Variants in DHX36 observed in about 807,000 individuals in gnomAD.
The protein encoded by DHX36 is ATP-dependent DNA/RNA helicase DHX36.
In DHX36, 50 loss-of-function variants were observed where a neutral mutation model predicts 139.0. The ratio of observed to expected loss-of-function variants is 0.36; its 90% CI spans 0.29 to 0.46. The LOEUF is 0.46. DHX36 is among the 20% of genes least tolerant of loss of function. The probability of loss-of-function intolerance (pLI) is 1.00; values close to 1 mark genes in which losing one functional copy is unlikely to be tolerated. For missense variants in DHX36, 1,024 were observed against 1,211.3 expected, an observed-to-expected ratio of 0.85 and a Z score of 2.29; for synonymous variants, 425 against 401.9, an observed-to-expected ratio of 1.06 and a Z score of -0.69.
intron 3 of DHX36, among the ~76,000 whole-genome samples, chr3:154,314,015 C>T (rs1712866987): frequency 6.6e-6 from 1 of 152,136 alleles, no homozygotes; most frequent in South Asian, 2.1e-4. Flanking sequence ...AAATGTTTTA[C>T]ACATTTTTCT....
chr3:154,289,829 T>TA lies in DHX36; in HGVS notation c.1815-4dup, dbSNP rs149380968. On this transcript the variant is annotated splice_polypyrimidine_tract_variant and splice_region_variant and intron_variant, in intron 15 of 24. Transcript: ENST00000496811. The stretch of plus-strand genomic sequence containing the variant: ...GATAGCAATGACCAGGTTGAACTCT[T>TA]AAAAAAAAAACAAAACAAAATGAAA... 32,245 of 1,298,758 alleles carry TA rather than the reference T, an allele frequency of 0.025. No individual in the cohort carries two copies. Among genetic ancestry groups the TA allele is most frequent in the South Asian group, 0.041 (2,729 of 66,130 alleles). The allele number at this position is 1,298,758 out of a possible 1,614,324, so 80.5% of individuals were successfully genotyped here.
intron 24 of DHX36, 186 bp downstream of exon 24, chr3:154,276,561 T>C: frequency 7.6e-6 from 6 of 785,534 alleles, no homozygotes; most frequent in Non-Finnish European, 1.2e-5. Context: ...CACTGAGCCA[T>C]TTAGAATGGC....
At chr3:154,300,217 G>A (rs1576870183) in intron 11 of DHX36, among the ~76,000 whole-genome samples, 1 of 152,058 alleles carries the variant, frequency 6.6e-6, no homozygotes, top group South Asian at 2.1e-4. Context: ...ACAGGCCTGT[G>A]TCACCACGCC....
chr3:154,281,636 T>C (rs921548042), intron 20 of DHX36, among the ~76,000 whole-genome samples: 2 of 152,102 alleles, frequency 1.3e-5, no homozygotes, highest in African/African-American at 4.8e-5. Context: ...ATAACAGAAA[T>C]ATTTCCTAAG....
chr3:154,305,102 C>G lies in DHX36; in HGVS notation c.960G>C (p.Gln320His). 3.7e-6 allele frequency: 6 copies of G among 1,613,572 alleles called. No homozygotes were observed. Among genetic ancestry groups the G allele is most frequent in the Non-Finnish European group, 5.1e-6 (6 of 1,179,840 alleles). Residue 320 changes from glutamine to histidine, a missense_variant, in exon 7 of 25, where the codon CAG becomes CAC. Around this residue, in one of 4 missense-constraint regions of DHX36, gnomAD observed 146 missense variants for 215.0 expected, o/e 0.68. Transcript: ENST00000496811. ...AATTGAAACATACTCACGGGTCTGACTGGAGCCACTGAAGGATGATTCCTG... is the reference window on the plus strand; with the variant it reads ...AATTGAAACATACTCACGGGTCTGAGTGGAGCCACTGAAGGATGATTCCTG... ...CTTGIILQWL[Q>H]SDPYLSSVSH...
At chr3:154,290,362 G>A (rs539619195) in intron 15 of DHX36, among the ~76,000 whole-genome samples, 83 of 152,042 alleles carry the variant, frequency 5.5e-4, no homozygotes, top group Non-Finnish European at 9.9e-4. Flanking sequence ...TAGGCCGGGC[G>A]CGATGGCTCA....
intron 1 of DHX36, chr3:154,319,377 CAT>C (rs1445428768): frequency 6.6e-6 from 1 of 152,132 alleles, no homozygotes; most frequent in Admixed American, 6.5e-5. Context: ...ACTGTCTCCC[CAT>C]TCTCTGTAAC....
At chr3:154,321,570 T>C (rs1050494697) in intron 1 of DHX36, among the ~76,000 whole-genome samples, 8 of 152,332 alleles carry the variant, frequency 5.3e-5, no homozygotes, top group Non-Finnish European at 1.2e-4. Flanking sequence ...ATCTATTTTA[T>C]TAATTAATAC....
chr3:154,317,698 G>C (rs1713037046), intron 1 of DHX36, among the ~76,000 whole-genome samples: 1 of 152,032 alleles, frequency 6.6e-6, no homozygotes, highest in Non-Finnish European at 1.5e-5. Flanking sequence ...TGATCTTCAA[G>C]GTATTTTTGG....
In DHX36 at chr3:154,280,851, G is replaced by C; in HGVS notation, c.2388C>G (p.Asn796Lys). The part of the protein sequence containing the change: ...LSSNTLQMLH[N>K]MKGQFAEHLL... Reference sequence around the variant, plus strand: ...GATGCTCAGCAAACTGTCCTTTCATGTTATGCAGCATCTAGGGAGCAATGG... The same window carrying C: ...GATGCTCAGCAAACTGTCCTTTCATCTTATGCAGCATCTAGGGAGCAATGG... The change falls in exon 21 of 25, where the codon AAC becomes AAG. Residue 796 changes from asparagine to lysine, a missense_variant. Transcript: ENST00000496811. 1 of 1,613,062 alleles carries C rather than the reference G, an allele frequency of 6.2e-7. No individual in the cohort carries two copies. Among genetic ancestry groups the C allele is most frequent in the Non-Finnish European group, 8.5e-7 (1 of 1,179,612 alleles).
intron 1 of DHX36, among the ~76,000 whole-genome samples, chr3:154,322,441 C>G (rs1713228625): frequency 6.6e-6 from 1 of 152,160 alleles, no homozygotes; most frequent in Non-Finnish European, 1.5e-5. Context: ...AAGGCAAGAA[C>G]AGAAAACAAA....
Position 154,304,834 on chromosome 3 carries a change from C to G in DHX36, c.1107G>C (p.Leu369Phe). The G allele has an allele frequency of 6.4e-7, 1 of 1,571,386 alleles. No individual in the cohort carries two copies. The highest frequency in any genetic ancestry group is 8.6e-7 in the Non-Finnish European group (1 of 1,163,112). Residue 369 changes from leucine to phenylalanine, a missense_variant, in exon 8 of 25, where the codon TTG becomes TTC. Leu to Phe is a conservative substitution (Grantham distance 22). This residue lies in a region of DHX36 where 146 missense variants were observed against 215.0 expected (regional missense o/e 0.68). Transcript: ENST00000496811. ...DLKVILMSAT[L>F]NAEKFSEYFG... is the part of the protein sequence containing the mutation. ...AATATTCTGAAAACTTTTCTGCATT[C>G]AATGTTGCACTCATCAATATTACTT...
rs373744194 is a variant in DHX36, at chr3:154,301,522, C to T, written c.1218-395G>A. ...AAAATACAGACTCCTAAATCCCATCCCTGATGATTTGGATTTGGTAGGTAT... is the reference window on the plus strand; with the variant it reads ...AAAATACAGACTCCTAAATCCCATCTCTGATGATTTGGATTTGGTAGGTAT... On this transcript the variant is annotated intron_variant, in intron 9 of 24. Coordinates refer to ENST00000496811, the MANE Select transcript of DHX36 (RefSeq NM_020865.3). 1.1e-4 allele frequency among the ~76,000 whole-genome samples: 16 copies of T among 152,222 alleles called. No individual in the cohort carries two copies. In the East Asian group the frequency reaches 2.7e-3, roughly 26 times the overall value.
rs1231067134 is a variant in DHX36, at chr3:154,273,008, G to A, written c.*3163C>T. The A allele has an allele frequency of 2.0e-5, 3 of 151,992 alleles. No homozygotes were observed. Among genetic ancestry groups the A allele is most frequent in the South Asian group, 4.1e-4 (2 of 4,826 alleles). 9.4% of individuals were successfully genotyped at this position (151,992 alleles called of 1,614,324 possible). A position where few individuals can be genotyped will look rare whatever the true frequency, so the allele number is the denominator to read the frequency against. ...GCATCACATGTGCTCACTGTTCAAC[G>A]ATGCTTTTGAAAGATTATTCAGTAG... On this transcript the variant is annotated 3_prime_UTR_variant, in exon 25 of 25. Coordinates refer to ENST00000496811, the MANE Select transcript of DHX36 (RefSeq NM_020865.3).
chr3:154,300,464 G>A, intron 11 of DHX36, 130 bp downstream of exon 11: 1 of 708,390 alleles, frequency 1.4e-6, no homozygotes, highest in Non-Finnish European at 2.4e-6. Flanking sequence ...ACTATGAGAT[G>A]ATTTCTAGTA....
chr3:154,312,329 T>C (rs1481095521), intron 3 of DHX36: 1 of 152,170 alleles, frequency 6.6e-6, no homozygotes, highest in African/African-American at 2.4e-5. Context: ...ATGTGTTAAA[T>C]TACAATTAGA....
chr3:154,300,838 A>T, intron 10 of DHX36, 142 bp from the exon 11 acceptor site: 1 of 1,319,046 alleles, frequency 7.6e-7, no homozygotes, highest in Non-Finnish European at 1.1e-6. Flanking sequence ...ATTACTGCTT[A>T]AAAGTCAAAT....
In DHX36 at chr3:154,273,420, C is replaced by T. The variant is rs2108325530; in HGVS notation, c.*2751G>A. On this transcript the variant is annotated 3_prime_UTR_variant, in exon 25 of 25. Transcript: ENST00000496811. ...ACATACTGGTTTGCAAACACAGAAC[C>T]AACTAATAATCTTTTTTACAGAATC... 6.6e-6 allele frequency: 1 copy of T among 152,128 alleles called. No individual in the cohort carries two copies. Among genetic ancestry groups the T allele is most frequent in the East Asian group, 1.9e-4 (1 of 5,190 alleles). The allele number at this position is 152,128 out of a possible 1,614,324, so 9.4% of individuals were successfully genotyped here.
chr3:154,296,369 G>A (rs1280043031), intron 12 of DHX36, among the ~76,000 whole-genome samples: 1 of 152,106 alleles, frequency 6.6e-6, no homozygotes, highest in Admixed American at 6.5e-5. Context: ...AGCTACCTGG[G>A]AGGCTGAGGC....
Sources: allele counts gnomAD v4.1 joint callset (sites outside exome capture counted in the v4.1 genomes callset), GRCh38; gene constraint gnomAD v4.1.1; regional missense constraint gnomAD v4.1.1; transcripts MANE v1.5; gene names NCBI Gene and HGNC (gene_info 2026-07-23, HGNC 2026-07-21).